KIF26B: variants seen among roughly 807,000 people sequenced by gnomAD.
KIF26B encodes the protein kinesin-like protein KIF26B.
In KIF26B, 63 loss-of-function variants were observed where a neutral mutation model predicts 151.2. The ratio of observed to expected loss-of-function variants is 0.42; its 90% CI spans 0.34 to 0.51. The LOEUF (loss-of-function observed/expected upper bound fraction) is 0.51. Among genes scored for constraint, KIF26B ranks in the 20% least tolerant of loss-of-function variants. The probability of loss-of-function intolerance (pLI) is 0.07; values close to 1 mark genes in which losing one functional copy is unlikely to be tolerated. For synonymous variants in KIF26B, 1,357 were observed against 1,262.1 expected (o/e 1.08, Z -1.59); for missense variants, 2,813 against 2,913.6 (o/e 0.97, Z 0.79).
In KIF26B at chr1:245,687,076, G is replaced by T; in HGVS notation, c.4093G>T (p.Val1365Leu). The change falls in exon 12 of 15, where the codon GTG (valine) becomes TTG (leucine). Residue 1365 changes from valine (V) to leucine (L), a missense_variant. Coordinates refer to ENST00000407071, the MANE Select transcript of KIF26B (RefSeq NM_018012.4). The surrounding 1 kb of genome is among the most constrained non-coding windows in gnomAD (Gnocchi z 4.9). ...CATCAAAGGCTGCAAAATATCCACA[G>T]TGAGCAAGGCCATGGTCACCATCTC... ...APIKGCKIST[V>L]SKAMVTISNT... 1 of 1,613,490 alleles carries T rather than the reference G, an allele frequency of 6.2e-7. No individual in the cohort carries two copies. The highest frequency in any genetic ancestry group is 8.5e-7 in the Non-Finnish European group (1 of 1,179,854).
intron 2 of KIF26B, among the ~76,000 whole-genome samples, chr1:245,295,863 G>A (rs1295821993): frequency 2.0e-5 from 3 of 152,172 alleles, no homozygotes; most frequent in Admixed American, 2.0e-4. Context: ...GATTTGCCTT[G>A]ACTTGATGGC....
At chr1:245,212,556 A>G (rs1459489253) in intron 2 of KIF26B, among the ~76,000 whole-genome samples, 31 of 152,196 alleles carry the variant, frequency 2.0e-4, no homozygotes, top group Non-Finnish European at 5.9e-5. Flanking sequence ...CCCCAATCCT[A>G]CGGGTGAATG....
At position 245,688,008 on chromosome 1, in the gene KIF26B, C is replaced by A; in HGVS notation, c.5025C>A (p.Ser1675Arg). Residue 1675 changes from serine (S) to arginine (R), a missense_variant, in exon 12 of 15, where the codon AGC becomes AGA. Around this residue, in one of 3 missense-constraint regions of KIF26B, gnomAD observed 2,060 missense variants for 2,088.6 expected, o/e 0.99. Transcript: ENST00000407071. Reference sequence around the variant, plus strand: ...ACTCGCTGGGCAGGGCGACAGTCAGCCACTACGAATGCCTCTCCCTGGAGC... The same window carrying A: ...ACTCGCTGGGCAGGGCGACAGTCAGACACTACGAATGCCTCTCCCTGGAGC... The part of the protein sequence containing the change: ...RSNSLGRATV[S>R]HYECLSLERA... 3 of 1,564,232 alleles carry A rather than the reference C, an allele frequency of 1.9e-6. No individual in the cohort carries two copies. Among genetic ancestry groups the A allele is most frequent in the Middle Eastern group, 3.3e-4 (2 of 6,008 alleles).
intron 2 of KIF26B, among the ~76,000 whole-genome samples, chr1:245,160,251 G>C (rs535315345): frequency 3.3e-5 from 5 of 152,276 alleles, no homozygotes; most frequent in Non-Finnish European, 5.9e-5. Flanking sequence ...TACTTACTGG[G>C]TTTATATCGT....
chr1:245,428,830 C>T (rs1658707927), intron 4 of KIF26B, among the ~76,000 whole-genome samples: 1 of 152,166 alleles, frequency 6.6e-6, no homozygotes, highest in African/African-American at 2.4e-5. Flanking sequence ...GTTGAAAACT[C>T]AGTTCATGTC....
At chr1:245,624,768 G>A (rs2043705277) in intron 9 of KIF26B, among the ~76,000 whole-genome samples, 1 of 151,990 alleles carries the variant, frequency 6.6e-6, no homozygotes, top group African/African-American at 2.4e-5. Flanking sequence ...GTTCTTTTAT[G>A]AATCATGTTT....
At chr1:245,589,913 A>G (rs1416641358) in intron 5 of KIF26B, among the ~76,000 whole-genome samples, 3 of 152,236 alleles carry the variant, frequency 2.0e-5, no homozygotes, top group Non-Finnish European at 2.9e-5. Context: ...TTGATCATGC[A>G]GTGAGCTGCA....
At chr1:245,380,407 G>A (rs1391816921) in intron 3 of KIF26B, among the ~76,000 whole-genome samples, 1 of 152,240 alleles carries the variant, frequency 6.6e-6, no homozygotes, top group Non-Finnish European at 1.5e-5. Context: ...GAGCCAGCCT[G>A]ATGGTTTCCA....
In KIF26B at chr1:245,348,691, T is replaced by TG. The variant is rs1423874498; in HGVS notation, c.466-18139dup. ...ACTAGGTTTCAATATATGAATTCTG[T>TG]GGGGCAACACCACGTTCAGTTTACA... On this transcript the variant is annotated intron_variant, in intron 2 of 14. Transcript: ENST00000407071. Among the ~76,000 whole-genome samples the TG allele has an allele frequency of 2.6e-5, 4 of 152,164 alleles. No individual in the cohort carries two copies. In the South Asian group the frequency reaches 8.3e-4, roughly 32 times the overall value.
At chr1:245,281,716 T>A (rs1196720530) in intron 2 of KIF26B, among the ~76,000 whole-genome samples, 13 of 151,030 alleles carry the variant, frequency 8.6e-5, no homozygotes, top group Admixed American at 8.6e-4. Context: ...CTAGGTTTTC[T>A]TCCAGGGTTT....
At chr1:245,574,468 C>T (rs1359079760) in intron 5 of KIF26B, among the ~76,000 whole-genome samples, 1 of 152,058 alleles carries the variant, frequency 6.6e-6, no homozygotes, top group South Asian at 2.1e-4. Flanking sequence ...TGAATAAGTG[C>T]CCAAGAAGCA....
At chr1:245,293,669 C>T (rs1558378293) in intron 2 of KIF26B, among the ~76,000 whole-genome samples, 3 of 151,780 alleles carry the variant, frequency 2.0e-5, no homozygotes, top group Non-Finnish European at 2.9e-5. Flanking sequence ...ACTTCCACCT[C>T]CCGGGTTCAA....
intron 2 of KIF26B, among the ~76,000 whole-genome samples, chr1:245,364,422 CTTTTTTTTT>C (rs763619030): frequency 4.0e-5 from 4 of 98,920 alleles, no homozygotes; most frequent in Admixed American, 1.1e-4. Context: ...CTCTCTCTCT[CTTTTTTTTT>C]TTTTTTTTTT....
intron 2 of KIF26B, among the ~76,000 whole-genome samples, chr1:245,245,195 C>T (rs1042605669): frequency 2.6e-5 from 4 of 152,174 alleles, no homozygotes; most frequent in African/African-American, 9.7e-5. Flanking sequence ...CATGGCTTTG[C>T]CTGGTGTCTG....
chr1:245,613,264 C>T lies in KIF26B; in HGVS notation c.2098+1288C>T, dbSNP rs114823583. Among the ~76,000 whole-genome samples, 516 of 152,282 alleles carry T rather than the reference C, an allele frequency of 3.4e-3. 4 individuals are homozygous for T. Among genetic ancestry groups the T allele is most frequent in the African/African-American group, 0.012 (498 of 41,576 alleles). On this transcript the variant is annotated intron_variant, in intron 9 of 14. Coordinates refer to ENST00000407071, the MANE Select transcript of KIF26B (RefSeq NM_018012.4). The stretch of plus-strand genomic sequence containing the variant: ...AAATTGTAAAGCTCATTGAGTAAAG[C>T]AGAGATGGTCCGCAAAGCTGTTGTA...
chr1:245,496,079 G>A (rs10754455), intron 4 of KIF26B, among the ~76,000 whole-genome samples: 52,455 of 152,066 alleles, frequency 0.34, 10,225 homozygotes, highest in Middle Eastern at 0.48. Context: ...GGAAGTATAC[G>A]GATAGAAAGA....
intron 10 of KIF26B, among the ~76,000 whole-genome samples, chr1:245,671,579 G>A (rs747738588): frequency 5.9e-5 from 9 of 152,164 alleles, no homozygotes; most frequent in East Asian, 1.9e-4. Context: ...GTGAACGGGC[G>A]CAATGCCACT....
At chr1:245,187,812 A>G (rs1343806443) in intron 2 of KIF26B, among the ~76,000 whole-genome samples, 1 of 152,212 alleles carries the variant, frequency 6.6e-6, no homozygotes, top group East Asian at 1.9e-4. Context: ...GACACATGAT[A>G]GGGAAAGTTG....
intron 9 of KIF26B, among the ~76,000 whole-genome samples, chr1:245,619,376 C>T (rs1254459023): frequency 6.6e-6 from 1 of 152,248 alleles, no homozygotes; most frequent in African/African-American, 2.4e-5. Flanking sequence ...GAACTCCTGA[C>T]CTCAGGTGAT....
Sources: gnomAD v4.1 joint callset for allele counts (sites outside exome capture counted in the v4.1 genomes callset) on GRCh38, gnomAD v4.1.1 for gene constraint, gnomAD v4.1.1 regional missense constraint, Gnocchi (gnomAD v3.1) non-coding constraint, MANE v1.5 for transcripts, NCBI Gene and HGNC (gene_info 2026-07-23, HGNC 2026-07-21) for gene names.